The following MIER3 variants were observed in gnomAD, a reference collection of about 807,000 sequenced individuals.
MIER3 encodes MIER family member 3, also known as mesoderm induction early response protein 3.
Under a neutral mutation model 63.2 loss-of-function variants are expected in MIER3, and 9 were observed. The observed-to-expected ratio is 0.14, with a 90% CI of 0.09 to 0.25. The LOEUF (loss-of-function observed/expected upper bound fraction) is 0.25. Among genes scored for constraint, MIER3 ranks in the 10% least tolerant of loss-of-function variants. The probability of loss-of-function intolerance (pLI) is 1.00; values close to 1 mark genes in which losing one functional copy is unlikely to be tolerated. For synonymous variants in MIER3, 205 were observed against 224.9 expected (o/e 0.91, Z 0.79); for missense variants, 512 against 666.2 (o/e 0.77, Z 2.55).
intron 10 of MIER3, chr5:56,927,829 G>A (rs1433728831): frequency 6.6e-6 from 1 of 152,100 alleles, no homozygotes; most frequent in Non-Finnish European, 1.5e-5. Flanking sequence ...CATCATACAG[G>A]GTAGTTTCAT....
Position 56,924,029 on chromosome 5 carries a change from G to A in MIER3, c.938C>T (p.Thr313Ile), listed in dbSNP as rs1377380962. 6.2e-7 allele frequency: 1 copy of A among 1,605,494 alleles called. No individual in the cohort carries two copies. The highest frequency in any genetic ancestry group is 1.1e-5 in the South Asian group (1 of 88,570). ...GTAGAATGCTACACACTCAGCAACT[G>A]TCCTAGTTCTCACCTAATGAAAAAG... ...LIQKNKVRTR[T>I]VAECVAFYYM... is the part of the protein sequence containing the mutation. Residue 313 changes from threonine (T) to isoleucine (I), a missense_variant, in exon 11 of 13, where the codon ACA (threonine) becomes ATA (isoleucine). This residue lies in a region of MIER3 where 34 missense variants were observed against 86.3 expected (regional missense o/e 0.39). Coordinates refer to ENST00000381199, the MANE Select transcript of MIER3 (RefSeq NM_001297599.2).
chr5:56,926,719 G>A (rs115656194), intron 10 of MIER3, among the ~76,000 whole-genome samples: 3,249 of 152,126 alleles, frequency 0.021, 132 homozygotes, highest in African/African-American at 0.073. Context: ...TTACTCCTTC[G>A]TATTTGGACA....
At chr5:56,926,434 C>A (rs370717251) in intron 10 of MIER3, among the ~76,000 whole-genome samples, 1 of 151,586 alleles carries the variant, frequency 6.6e-6, no homozygotes, top group Non-Finnish European at 1.5e-5. Context: ...GGCAAAAAAT[C>A]TGAATGAACA....
At chr5:56,934,540 A>T (rs1236605082) in intron 7 of MIER3, among the ~76,000 whole-genome samples, 1 of 152,140 alleles carries the variant, frequency 6.6e-6, no homozygotes, top group African/African-American at 2.4e-5. Flanking sequence ...TTGGGTGGTG[A>T]GGTGAGAAGG....
chr5:56,945,518 G>C (rs1750797832), intron 3 of MIER3, among the ~76,000 whole-genome samples: 1 of 152,076 alleles, frequency 6.6e-6, no homozygotes, highest in South Asian at 2.1e-4. Context: ...TCAGATGGCA[G>C]TAATATGCAT....
chr5:56,925,643 A>G, intron 10 of MIER3: 1 of 178,994 alleles, frequency 5.6e-6, no homozygotes, highest in South Asian at 1.1e-4. Flanking sequence ...GTTCATGGAT[A>G]AGAAGACACT....
chr5:56,936,061 A>G (rs1264251322), intron 5 of MIER3, among the ~76,000 whole-genome samples: 1 of 152,004 alleles, frequency 6.6e-6, no homozygotes. Flanking sequence ...CTAAAAATAC[A>G]AAAAAATTAG....
At chr5:56,950,895 C>T (rs148301445) in intron 1 of MIER3, among the ~76,000 whole-genome samples, 41 of 152,228 alleles carry the variant, frequency 2.7e-4, no homozygotes, top group African/African-American at 9.6e-4. Flanking sequence ...GTCTGAGAGG[C>T]AACTCCAAGT....
At position 56,923,939 on chromosome 5, in the gene MIER3, C is replaced by CT; in HGVS notation, c.1027dup (p.Arg343LysfsTer3). 1.2e-6 allele frequency: 2 copies of CT among 1,614,046 alleles called. No homozygotes were observed. Among genetic ancestry groups the CT allele is most frequent in the Non-Finnish European group, 1.7e-6 (2 of 1,179,972 alleles). Reference sequence around the variant, plus strand: ...CGTAACTCCAGGGTGATGGTTATATCTTTTTTTCCCAAATCTTGTCTGTTG... The same window carrying CT: ...CGTAACTCCAGGGTGATGGTTATATCTTTTTTTTCCCAAATCTTGTCTGTTG... On this transcript the variant is annotated frameshift_variant, in exon 11 of 13. Transcript: ENST00000381199. LOFTEE classifies it high-confidence loss of function.
chr5:56,930,639 T>C, intron 9 of MIER3, 25 bp downstream of exon 9: 1 of 1,600,210 alleles, frequency 6.2e-7, no homozygotes, highest in Admixed American at 1.7e-5. Context: ...GTCATGTCCC[T>C]CTCTTAAACC....
rs765354795 is a variant in MIER3 at position 56,923,441 on chromosome 5, T to C, written c.1340A>G (p.Asn447Ser). The part of the protein sequence containing the change: ...VTEELLTLPS[N>S]GESDCFNLFE... ...TAAATTAAAACAATCACTTTCCCCA[T>C]TGCTGGGCAGGGTGAGTAACTCTTC... Residue 447 changes from asparagine (N) to serine (S), a missense_variant, in exon 13 of 13, where the codon AAT (asparagine) becomes AGT (serine). By Grantham distance (46) the Asn-to-Ser change is conservative. Coordinates refer to ENST00000381199, the MANE Select transcript of MIER3 (RefSeq NM_001297599.2). 1.2e-6 allele frequency: 2 copies of C among 1,614,170 alleles called. No individual in the cohort carries two copies. The highest frequency in any genetic ancestry group is 1.1e-5 in the South Asian group (1 of 91,090).
chr5:56,932,863 G>C (rs2112106088), intron 8 of MIER3, among the ~76,000 whole-genome samples: 1 of 152,044 alleles, frequency 6.6e-6, no homozygotes, highest in East Asian at 1.9e-4. Flanking sequence ...ACAAGTATAG[G>C]ATAAGTACAC....
chr5:56,939,585 T>C (rs900965603), intron 3 of MIER3, among the ~76,000 whole-genome samples: 11 of 152,238 alleles, frequency 7.2e-5, no homozygotes, highest in South Asian at 2.1e-4. Flanking sequence ...TATACTGTTA[T>C]CACCATTTCA....
rs562490348 is a variant in MIER3, at chr5:56,950,755, A to T, written c.10-103T>A. 1.4e-4 allele frequency: 182 copies of T among 1,307,708 alleles called. 4 individuals are homozygous for T. The South Asian group carries it at 2.2e-3, about 16-fold the overall frequency. The allele number at this position is 1,307,708 out of a possible 1,614,324, so 81.0% of individuals were successfully genotyped here. On this transcript the variant is annotated intron_variant, in intron 1 of 12. Coordinates refer to ENST00000381199, the MANE Select transcript of MIER3 (RefSeq NM_001297599.2). ...GAGGCGGAGTCGAGCGCTCCTCCGCAGCTGCCAAAAGTGCAAGACGTAGCT... is the reference window on the plus strand; with the variant it reads ...GAGGCGGAGTCGAGCGCTCCTCCGCTGCTGCCAAAAGTGCAAGACGTAGCT...
Position 56,922,936 on chromosome 5 carries a change from TA to T in MIER3, c.*191del. 1 of 590,442 alleles carries T rather than the reference TA, an allele frequency of 1.7e-6. No homozygotes were observed. Among genetic ancestry groups the T allele is most frequent in the South Asian group, 2.1e-5 (1 of 47,774 alleles). The allele number at this position is 590,442 out of a possible 1,614,324, so 36.6% of individuals were successfully genotyped here. ...TCTTAGTTCCCAACTCTGCTGATCATAGTTCATTTCCACATTTATGGATTGA... is the reference window on the plus strand; with the variant it reads ...TCTTAGTTCCCAACTCTGCTGATCATGTTCATTTCCACATTTATGGATTGA... On this transcript the variant is annotated 3_prime_UTR_variant, in exon 13 of 13. Transcript: ENST00000381199.
At chr5:56,938,473 C>A in intron 4 of MIER3, 1 of 431,790 alleles carries the variant, frequency 2.3e-6, no homozygotes, top group South Asian at 1.7e-5. Context: ...GCTGCTGCGG[C>A]CGCTGTCACT....
rs1159627248 is a variant in MIER3 at position 56,935,870 on chromosome 5, C to CTT, written c.437-120_437-119insAA. 4.3e-6 allele frequency: 3 copies of CTT among 697,866 alleles called. No individual in the cohort carries two copies. The African/African-American group carries it at 5.4e-5, about 13-fold the overall frequency. 43.2% of individuals were successfully genotyped at this position (697,866 alleles called of 1,614,324 possible). A position where few individuals can be genotyped will look rare whatever the true frequency, so the allele number is the denominator to read the frequency against. ...TGAGATCAGCATAAGTATACTAAAC[C>CTT]ACCTGCATGTTTCTCACAATCGACA... On this transcript the variant is annotated intron_variant, in intron 5 of 12. Transcript: ENST00000381199.
intron 2 of MIER3, among the ~76,000 whole-genome samples, chr5:56,948,274 C>G (rs1380303375): frequency 6.6e-6 from 1 of 152,178 alleles, no homozygotes; most frequent in Non-Finnish European, 1.5e-5. Flanking sequence ...TTCTACAGGA[C>G]TTTATTTTTT....
At chr5:56,924,974 G>A (rs548036410) in intron 10 of MIER3, among the ~76,000 whole-genome samples, 28 of 152,290 alleles carry the variant, frequency 1.8e-4, no homozygotes, top group South Asian at 4.1e-4. Context: ...TGCAGGCTTC[G>A]TGGGGCTACA....
Sources: gnomAD v4.1 joint callset for allele counts (sites outside exome capture counted in the v4.1 genomes callset) on GRCh38, gnomAD v4.1.1 for gene constraint, gnomAD v4.1.1 regional missense constraint, MANE v1.5 for transcripts, NCBI Gene and HGNC (gene_info 2026-07-23, HGNC 2026-07-21) for gene names.